The following TRPM3 variants were observed in gnomAD, a reference collection of about 807,000 sequenced individuals.
The protein encoded by TRPM3 is transient receptor potential cation channel subfamily M member 3, also known as long transient receptor potential channel 3.
In TRPM3, 77 loss-of-function variants were observed where a neutral mutation model predicts 181.2. The observed-to-expected ratio is 0.42, with a 90% CI of 0.35 to 0.51. The LOEUF (loss-of-function observed/expected upper bound fraction) is 0.51, where lower values mean the gene tolerates loss of function less well. Ranked by LOEUF, TRPM3 falls within the 20% of genes least tolerant of loss-of-function variation. The probability of loss-of-function intolerance (pLI) is 0.01; values close to 1 mark genes in which losing one functional copy is unlikely to be tolerated. For synonymous variants in TRPM3, 745 were observed against 796.4 expected (o/e 0.94, Z 1.09); for missense variants, 1,759 against 2,196.7 (o/e 0.80, Z 3.98).
intron 6 of TRPM3, chr9:70,810,055 C>G (rs1367091682): frequency 1.9e-6 from 1 of 534,568 alleles, no homozygotes. Flanking sequence ...AAAGGGAAGT[C>G]CACGAGTCAC....
In TRPM3 at chr9:70,625,077, A is replaced by T; in HGVS notation, c.1809+114T>A. ...TACTTTTCTTTGATTGTTTAGGTTC[A>T]CTCTCAGCGCAATTTTCTGATTTTA... is the stretch of plus-strand genomic sequence containing the variant. On this transcript the variant is annotated intron_variant, in intron 14 of 25. Transcript: ENST00000677713. This position sits in a 1 kb window ranked among gnomAD's most constrained non-coding sequence, Gnocchi z 4.8. 2 of 1,143,246 alleles carry T rather than the reference A, an allele frequency of 1.7e-6. No individual in the cohort carries two copies. The highest frequency in any genetic ancestry group is 2.4e-6 in the Non-Finnish European group (2 of 823,086). 70.8% of individuals were successfully genotyped at this position (1,143,246 alleles called of 1,614,324 possible).
At chr9:71,082,530 A>G (rs542762293) in intron 1 of TRPM3, among the ~76,000 whole-genome samples, 1 of 152,310 alleles carries the variant, frequency 6.6e-6, no homozygotes, top group African/African-American at 2.4e-5. Context: ...ATGTTAAGAC[A>G]TAAGTCACAA....
At chr9:70,750,248 G>A (rs538492466) in intron 8 of TRPM3, among the ~76,000 whole-genome samples, 2 of 152,288 alleles carry the variant, frequency 1.3e-5, no homozygotes, top group East Asian at 3.9e-4. Context: ...TCTTTTCCCA[G>A]ATGAAAGAAA....
chr9:70,996,962 A>C (rs943766652), intron 1 of TRPM3, among the ~76,000 whole-genome samples: 1 of 152,184 alleles, frequency 6.6e-6, no homozygotes, highest in African/African-American at 2.4e-5. Context: ...TATCCTTTTA[A>C]TACGAGTTTA....
chr9:70,753,142 C>T (rs1161433391), intron 8 of TRPM3, among the ~76,000 whole-genome samples: 4 of 152,002 alleles, frequency 2.6e-5, no homozygotes, highest in African/African-American at 7.2e-5. Context: ...GATGTTCACA[C>T]AACAATGAAA....
At chr9:70,779,894 T>A (rs986687152) in intron 7 of TRPM3, among the ~76,000 whole-genome samples, 1 of 151,824 alleles carries the variant, frequency 6.6e-6, no homozygotes, top group African/African-American at 2.4e-5. Context: ...AGAAAAAAAA[T>A]GGGAGTTTGA....
intron 1 of TRPM3, among the ~76,000 whole-genome samples, chr9:71,199,990 G>C (rs2078671169): frequency 6.6e-6 from 1 of 152,172 alleles, no homozygotes; most frequent in Admixed American, 6.5e-5. Flanking sequence ...GATGTTTCCT[G>C]CTTTCTATTG....
chr9:71,341,356 C>T (rs1250595046), intron 1 of TRPM3, among the ~76,000 whole-genome samples: 1 of 152,126 alleles, frequency 6.6e-6, no homozygotes, highest in Admixed American at 6.6e-5. Flanking sequence ...GCAGATGCCA[C>T]CTTAACCAAA....
At chr9:71,279,034 T>TAA (rs200421016) in intron 1 of TRPM3, among the ~76,000 whole-genome samples, 52 of 47,568 alleles carry the variant, frequency 1.1e-3, no homozygotes, top group African/African-American at 3.9e-3. Context: ...CCTGCTTAGG[T>TAA]TAAAAAAAAT....
intron 25 of TRPM3, among the ~76,000 whole-genome samples, chr9:70,539,299 T>G (rs1005506153): frequency 6.6e-6 from 1 of 152,040 alleles, no homozygotes; most frequent in Non-Finnish European, 1.5e-5. Flanking sequence ...GGGAGACCTA[T>G]AGACTTCTTA....
chr9:71,411,210 T>G (rs1288066687), intron 1 of TRPM3, among the ~76,000 whole-genome samples: 1 of 152,176 alleles, frequency 6.6e-6, no homozygotes, highest in Non-Finnish European at 1.5e-5. Flanking sequence ...TGATGCCGTC[T>G]CCCACCACTC....
At chr9:71,131,081 G>A (rs1412781667) in intron 1 of TRPM3, among the ~76,000 whole-genome samples, 3 of 152,244 alleles carry the variant, frequency 2.0e-5, no homozygotes, top group East Asian at 1.9e-4. Context: ...CGAACTCCTC[G>A]TTTTTGATAA....
At chr9:70,866,563 G>A (rs1589386871) in intron 1 of TRPM3, among the ~76,000 whole-genome samples, 1 of 152,064 alleles carries the variant, frequency 6.6e-6, no homozygotes, top group African/African-American at 2.4e-5. Context: ...GCTCCAAGAA[G>A]AGAGACCTGT....
intron 6 of TRPM3, among the ~76,000 whole-genome samples, chr9:70,798,972 C>T (rs11142600): frequency 2.0e-5 from 3 of 152,132 alleles, no homozygotes; most frequent in Non-Finnish European, 2.9e-5. Context: ...CTTAGGGACT[C>T]GAACAGCCAA....
intron 25 of TRPM3, among the ~76,000 whole-genome samples, chr9:70,547,864 T>C (rs541608383): frequency 6.6e-6 from 1 of 152,340 alleles, no homozygotes; most frequent in African/African-American, 2.4e-5. Context: ...TTTGCAGGCA[T>C]GGGGCCAGAG....
chr9:71,283,794 T>A (rs191288117), intron 1 of TRPM3, among the ~76,000 whole-genome samples: 481 of 152,348 alleles, frequency 3.2e-3, no homozygotes, highest in Middle Eastern at 0.01. Context: ...CATTTTTAAC[T>A]ACCACCCCTC....
chr9:70,878,576 A>G (rs2095916191), intron 1 of TRPM3, among the ~76,000 whole-genome samples: 2 of 152,114 alleles, frequency 1.3e-5, no homozygotes, highest in Admixed American at 1.3e-4. Flanking sequence ...AGAAAATTTC[A>G]ATCCATTACA....
At chr9:71,194,491 A>T (rs184354058) in intron 1 of TRPM3, among the ~76,000 whole-genome samples, 31 of 152,016 alleles carry the variant, frequency 2.0e-4, no homozygotes, top group African/African-American at 7.2e-4. Flanking sequence ...CCCACAGGTG[A>T]TCCAGCTAGA....
intron 1 of TRPM3, among the ~76,000 whole-genome samples, chr9:71,252,703 A>G (rs1440776093): frequency 1.3e-5 from 2 of 152,002 alleles, no homozygotes; most frequent in African/African-American, 2.4e-5. Context: ...ACAGAGTCTC[A>G]TTCTGTCACC....
Sources: gnomAD v4.1 joint callset for allele counts (sites outside exome capture counted in the v4.1 genomes callset) on GRCh38, gnomAD v4.1.1 for gene constraint, Gnocchi (gnomAD v3.1) non-coding constraint, MANE v1.5 for transcripts, NCBI Gene and HGNC (gene_info 2026-07-23, HGNC 2026-07-21) for gene names.